ERICH6B: variants seen among roughly 807,000 people sequenced by gnomAD.
ERICH6B encodes glutamate rich 6B.
Under a neutral mutation model 80.0 loss-of-function variants are expected in ERICH6B, and 69 were observed. The observed-to-expected ratio is 0.86, with a 90% CI of 0.71 to 1.05. ERICH6B has a LOEUF of 1.05. ERICH6B is among the 50% of genes least tolerant of loss of function. The probability of loss-of-function intolerance (pLI) is 0.00; values close to 1 mark genes in which losing one functional copy is unlikely to be tolerated. For synonymous variants in ERICH6B, 283 were observed against 291.9 expected (o/e 0.97, Z 0.31); for missense variants, 754 against 796.1 (o/e 0.95, Z 0.64).
intron 11 of ERICH6B, among the ~76,000 whole-genome samples, chr13:45,558,364 C>G (rs1874524768): frequency 6.6e-6 from 1 of 152,144 alleles, no homozygotes; most frequent in African/African-American, 2.4e-5. Flanking sequence ...TCTAGGCATA[C>G]AATCGTATCA....
chr13:45,550,184 G>A (rs1874161019), intron 12 of ERICH6B, 47 bp downstream of exon 12: 1 of 1,538,704 alleles, frequency 6.5e-7, no homozygotes, highest in African/African-American at 1.4e-5. Context: ...AGACATTTTA[G>A]GTGCCAATAT....
At chr13:45,572,985 C>T (rs1346678929) in intron 8 of ERICH6B, among the ~76,000 whole-genome samples, 2 of 152,042 alleles carry the variant, frequency 1.3e-5, no homozygotes, top group Admixed American at 1.3e-4. Context: ...CTCATGCCCT[C>T]TCGGTGGGAA....
chr13:45,565,777 T>C (rs1006366610), intron 9 of ERICH6B, among the ~76,000 whole-genome samples: 2 of 152,218 alleles, frequency 1.3e-5, no homozygotes, highest in Non-Finnish European at 2.9e-5. Context: ...CATGTCTTTA[T>C]CAGCAGTGTG....
In ERICH6B at chr13:45,546,615, T is replaced by TCCCCAAGACG. The variant is rs1874002710; in HGVS notation, c.1647-1631_1647-1630insCGTCTTGGGG. On this transcript the variant is annotated intron_variant, in intron 13 of 14. Transcript: ENST00000298738. The stretch of plus-strand genomic sequence containing the variant: ...ACGTAGGCCCCAGGTCTGGGAGGTT[T>TCCCCAAGACG]TGGTGCAGAGATATACCTGTCTTGC... Among the ~76,000 whole-genome samples, 3 of 152,172 alleles carry TCCCCAAGACG rather than the reference T, an allele frequency of 2.0e-5. No individual in the cohort carries two copies. In the South Asian group the frequency reaches 6.2e-4, roughly 31 times the overall value.
intron 11 of ERICH6B, among the ~76,000 whole-genome samples, chr13:45,553,780 A>G (rs550184884): frequency 1.3e-5 from 2 of 152,324 alleles, no homozygotes; most frequent in East Asian, 1.9e-4. Context: ...CATTTAGTAT[A>G]CAAAGCACTG....
intron 7 of ERICH6B, among the ~76,000 whole-genome samples, chr13:45,578,182 G>C (rs1875501827): frequency 6.6e-6 from 1 of 152,124 alleles, no homozygotes; most frequent in Non-Finnish European, 1.5e-5. Context: ...ACCACCACCT[G>C]GTTAATATCT....
intron 9 of ERICH6B, 60 bp from the exon 10 acceptor site, chr13:45,563,848 A>T: frequency 7.3e-7 from 1 of 1,375,572 alleles, no homozygotes; most frequent in Non-Finnish European, 1.0e-6. Context: ...ACATGCCATC[A>T]CACACAGTGC....
chr13:45,596,056 T>C (rs1352633563), intron 3 of ERICH6B, among the ~76,000 whole-genome samples: 1 of 152,262 alleles, frequency 6.6e-6, no homozygotes. Context: ...TTTATGTTTA[T>C]GAAGTCTTCC....
At chr13:45,549,690 TG>T (rs1315859574) in intron 13 of ERICH6B, among the ~76,000 whole-genome samples, 2 of 152,234 alleles carry the variant, frequency 1.3e-5, no homozygotes, top group Non-Finnish European at 2.9e-5. Context: ...ATTTCACACA[TG>T]GAGGAGCAAC....
chr13:45,614,740 A>G (rs1447438741), intron 1 of ERICH6B, among the ~76,000 whole-genome samples: 2 of 152,340 alleles, frequency 1.3e-5, no homozygotes, highest in Admixed American at 6.5e-5. Context: ...TGCAAACGTA[A>G]TGTGTTCTTG....
intron 8 of ERICH6B, among the ~76,000 whole-genome samples, chr13:45,569,729 A>G (rs1214901240): frequency 6.6e-6 from 1 of 152,240 alleles, no homozygotes; most frequent in Non-Finnish European, 1.5e-5. Context: ...GACAGATACA[A>G]GTTTATGGCT....
intron 11 of ERICH6B, chr13:45,551,726 A>C (rs1874230959): frequency 6.6e-6 from 1 of 152,226 alleles, no homozygotes; most frequent in Non-Finnish European, 1.5e-5. Flanking sequence ...TATTTAGGTC[A>C]TGGGGACTCT....
At chr13:45,565,659 C>T (rs1468302323) in intron 9 of ERICH6B, among the ~76,000 whole-genome samples, 1 of 152,200 alleles carries the variant, frequency 6.6e-6, no homozygotes, top group Non-Finnish European at 1.5e-5. Context: ...TGTCTGCCAC[C>T]ATGTGAGATG....
chr13:45,555,496 G>A (rs1874401293), intron 11 of ERICH6B: 1 of 152,228 alleles, frequency 6.6e-6, no homozygotes, highest in Non-Finnish European at 1.5e-5. Context: ...CACTCATGAT[G>A]TAAAGCTGTC....
chr13:45,550,213 C>T lies in ERICH6B; in HGVS notation c.1493+18G>A, dbSNP rs1874162586. On this transcript the variant is annotated intron_variant, in intron 12 of 14. Transcript: ENST00000298738. Reference sequence around the variant, plus strand: ...CCAATATATGTCAATACGAGCATCCCTGTGCTTCTGTGGATACTGTATCTG... The same window carrying T: ...CCAATATATGTCAATACGAGCATCCTTGTGCTTCTGTGGATACTGTATCTG... The T allele has an allele frequency of 1.3e-6, 2 of 1,548,356 alleles. No homozygotes were observed. The highest frequency in any genetic ancestry group is 2.7e-5 in the African/African-American group (2 of 73,056).
chr13:45,560,221 C>T (rs7999471), intron 11 of ERICH6B, among the ~76,000 whole-genome samples: 23,858 of 152,090 alleles, frequency 0.16, 3,810 homozygotes, highest in African/African-American at 0.4. Flanking sequence ...TGTTCATTTG[C>T]ATGGAATGAA....
chr13:45,570,870 G>T (rs1205484767), intron 8 of ERICH6B, among the ~76,000 whole-genome samples: 1 of 151,834 alleles, frequency 6.6e-6, no homozygotes, highest in African/African-American at 2.4e-5. Context: ...CATTGCAGCT[G>T]CAGGTTCCAT....
intron 5 of ERICH6B, among the ~76,000 whole-genome samples, chr13:45,583,149 C>T (rs560205215): frequency 6.6e-6 from 1 of 152,318 alleles, no homozygotes; most frequent in Non-Finnish European, 1.5e-5. Flanking sequence ...TTGTTGCACT[C>T]TTTTCAGTTT....
At chr13:45,585,306 C>A (rs1220263203) in intron 5 of ERICH6B, among the ~76,000 whole-genome samples, 1 of 152,172 alleles carries the variant, frequency 6.6e-6, no homozygotes, top group Non-Finnish European at 1.5e-5. Context: ...AGCTGACTGG[C>A]TGTCTAGCCC....
Sources: gnomAD v4.1 joint callset for allele counts (sites outside exome capture counted in the v4.1 genomes callset) on GRCh38, gnomAD v4.1.1 for gene constraint, MANE v1.5 for transcripts, NCBI Gene and HGNC (gene_info 2026-07-23, HGNC 2026-07-21) for gene names.